Variants in NEK10 observed in about 807,000 individuals in gnomAD.
NEK10 encodes NIMA related kinase 10, also known as serine/threonine-protein kinase Nek10.
A neutral mutation model predicts 159.8 loss-of-function variants in NEK10; 122 were observed. The ratio of observed to expected loss-of-function variants is 0.76; its 90% CI spans 0.66 to 0.89. The LOEUF (loss-of-function observed/expected upper bound fraction) is 0.89. Ranked by LOEUF, NEK10 falls within the 40% of genes least tolerant of loss-of-function variation. The probability of loss-of-function intolerance (pLI) is 0.00; values close to 1 mark genes in which losing one functional copy is unlikely to be tolerated. For synonymous variants in NEK10, 466 were observed against 457.1 expected (o/e 1.02, Z -0.25); for missense variants, 1,342 against 1,323.1 (o/e 1.01, Z -0.22).
intron 28 of NEK10, among the ~76,000 whole-genome samples, chr3:27,173,127 A>T (rs1454247764): frequency 6.6e-6 from 1 of 152,234 alleles, no homozygotes; most frequent in Non-Finnish European, 1.5e-5. Context: ...ACAAATTGTT[A>T]TTTATTTGTC....
chr3:27,227,593 C>G (rs1022626909), intron 23 of NEK10, among the ~76,000 whole-genome samples: 12 of 152,290 alleles, frequency 7.9e-5, no homozygotes, highest in African/African-American at 2.9e-4. Context: ...CTGCTGTTCC[C>G]TACTGACATG....
intron 1 of NEK10, among the ~76,000 whole-genome samples, chr3:27,357,405 T>C (rs2048392479): frequency 6.6e-6 from 1 of 152,226 alleles, no homozygotes; most frequent in African/African-American, 2.4e-5. Context: ...GCATTTGTGA[T>C]GTTGTAATAA....
intron 29 of NEK10, among the ~76,000 whole-genome samples, chr3:27,168,023 A>G (rs1946632067): frequency 6.6e-6 from 1 of 152,292 alleles, no homozygotes; most frequent in South Asian, 2.1e-4. Context: ...CTGATATCTG[A>G]TATCTGACCA....
Position 27,313,372 on chromosome 3 carries a change from G to A in NEK10, c.489+925C>T, listed in dbSNP as rs564047272. Among the ~76,000 whole-genome samples, 28 of 152,302 alleles carry A rather than the reference G, an allele frequency of 1.8e-4. 1 individual carries two copies. The East Asian group carries it at 4.4e-3, about 24-fold the overall frequency. ...ATATTCACTTGCTTACCCTCGCTCA[G>A]TAGTTAGCAAAGCAGAAAAATAAAT... is the stretch of plus-strand genomic sequence containing the variant. On this transcript the variant is annotated intron_variant, in intron 7 of 35. Transcript: ENST00000691995.
In NEK10 at chr3:27,116,146, G is replaced by A; in HGVS notation, c.3191-19C>T. 6.2e-7 allele frequency: 1 copy of A among 1,610,948 alleles called. No homozygotes were observed. The highest frequency in any genetic ancestry group is 1.1e-5 in the South Asian group (1 of 90,922). On this transcript the variant is annotated intron_variant, in intron 33 of 35. Transcript: ENST00000691995. ...GGTAAACCTAAAAAAGATAAATTAT[G>A]GAAAGTCTGACATTTGGGTTCACAT...
At chr3:27,272,375 G>A (rs937653017) in intron 22 of NEK10, among the ~76,000 whole-genome samples, 7 of 152,126 alleles carry the variant, frequency 4.6e-5, no homozygotes, top group Admixed American at 2.0e-4. Flanking sequence ...TTTCTCACTT[G>A]CTGCTATATT....
chr3:27,364,889 T>C (rs1292228607), intron 1 of NEK10, among the ~76,000 whole-genome samples: 3 of 152,216 alleles, frequency 2.0e-5, no homozygotes, highest in Admixed American at 2.0e-4. Flanking sequence ...CATTACCTAA[T>C]GTAACACTCC....
Position 27,199,718 on chromosome 3 carries a change from T to G in NEK10, c.2291+1792A>C, listed in dbSNP as rs1472023259. The stretch of plus-strand genomic sequence containing the variant: ...GACATGGAATCAACATAAATGCCCA[T>G]AAATTCTAGGCTGGATAAAGAAAAT... On this transcript the variant is annotated intron_variant, in intron 25 of 35. Transcript: ENST00000691995. Among the ~76,000 whole-genome samples, 2 of 152,128 alleles carry G rather than the reference T, an allele frequency of 1.3e-5. 1 individual carries two copies. Among genetic ancestry groups the G allele is most frequent in the South Asian group, 4.1e-4 (2 of 4,832 alleles).
chr3:27,138,710 GC>G (rs1357715490), intron 31 of NEK10, among the ~76,000 whole-genome samples: 3 of 152,198 alleles, frequency 2.0e-5, no homozygotes, highest in South Asian at 2.1e-4. Context: ...GTTTGACTGT[GC>G]CCTTGGAACT....
chr3:27,284,976 CAA>C lies in NEK10; in HGVS notation c.1790-17_1790-16del. On this transcript the variant is annotated splice_polypyrimidine_tract_variant and intron_variant, in intron 20 of 35. Transcript: ENST00000691995. ...CAACCTATCATCTATATAAATATCACAAAAGGTCACAGAAATTTAAACTCAAT... is the reference window on the plus strand; with the variant it reads ...CAACCTATCATCTATATAAATATCACAAGGTCACAGAAATTTAAACTCAAT... 6.4e-7 allele frequency: 1 copy of C among 1,569,408 alleles called. No individual in the cohort carries two copies. The highest frequency in any genetic ancestry group is 8.6e-7 in the Non-Finnish European group (1 of 1,163,492).
At chr3:27,348,380 G>A (rs910113941) in intron 3 of NEK10, among the ~76,000 whole-genome samples, 9 of 152,216 alleles carry the variant, frequency 5.9e-5, no homozygotes, top group Non-Finnish European at 1.2e-4. Context: ...GGCCTGTATC[G>A]GAAATCAACT....
intron 23 of NEK10, among the ~76,000 whole-genome samples, chr3:27,247,731 T>G (rs1055512165): frequency 6.6e-6 from 1 of 151,958 alleles, no homozygotes; most frequent in African/African-American, 2.4e-5. Context: ...GAGACAGGGT[T>G]TCGCCATGTT....
chr3:27,231,770 A>T (rs1437853494), intron 23 of NEK10, among the ~76,000 whole-genome samples: 2 of 151,914 alleles, frequency 1.3e-5, no homozygotes, highest in Non-Finnish European at 2.9e-5. Context: ...TCTTGGAAAC[A>T]TACAACTCTC....
At chr3:27,314,934 C>G (rs2045036665) in intron 6 of NEK10, among the ~76,000 whole-genome samples, 1 of 152,162 alleles carries the variant, frequency 6.6e-6, no homozygotes, top group African/African-American at 2.4e-5. Flanking sequence ...TGCTCTAGGA[C>G]AGAAAGAGTT....
chr3:27,342,910 T>C (rs1227333740), intron 5 of NEK10, among the ~76,000 whole-genome samples: 1 of 152,214 alleles, frequency 6.6e-6, no homozygotes, highest in African/African-American at 2.4e-5. Context: ...AGAAAACAGT[T>C]GAAATATATA....
chr3:27,197,692 T>C (rs1949677058), intron 25 of NEK10, among the ~76,000 whole-genome samples: 1 of 152,218 alleles, frequency 6.6e-6, no homozygotes, highest in East Asian at 1.9e-4. Context: ...GTTTTCTAGA[T>C]ACAGGATAAT....
intron 30 of NEK10, 147 bp from the exon 31 acceptor site, chr3:27,141,729 C>T: frequency 1.8e-6 from 1 of 545,478 alleles, no homozygotes; most frequent in East Asian, 2.9e-5. Flanking sequence ...AATACTTCAA[C>T]ATTTTATGAC....
chr3:27,239,001 T>G (rs1044347160), intron 23 of NEK10, among the ~76,000 whole-genome samples: 3 of 152,002 alleles, frequency 2.0e-5, no homozygotes, highest in African/African-American at 7.2e-5. Context: ...AGTCAACCAA[T>G]CAGAGGCTAA....
rs546436256 is a variant in NEK10, at chr3:27,348,186, C to A, written c.133-1970G>T. On this transcript the variant is annotated intron_variant, in intron 3 of 35. Coordinates refer to ENST00000691995, the MANE Select transcript of NEK10 (RefSeq NM_001394966.1). Reference sequence around the variant, plus strand: ...TTATACTCAAAATATCATGATATACCGCATAAAAGAAGTAGGTTTTCCAGG... The same window carrying A: ...TTATACTCAAAATATCATGATATACAGCATAAAAGAAGTAGGTTTTCCAGG... Among the ~76,000 whole-genome samples, 3 of 152,056 alleles carry A rather than the reference C, an allele frequency of 2.0e-5. No homozygotes were observed. In the East Asian group the frequency reaches 5.8e-4, roughly 29 times the overall value.
Sources: gnomAD v4.1 joint callset for allele counts (sites outside exome capture counted in the v4.1 genomes callset) on GRCh38, gnomAD v4.1.1 for gene constraint, MANE v1.5 for transcripts, NCBI Gene and HGNC (gene_info 2026-07-23, HGNC 2026-07-21) for gene names.